Variants in COL4A6 observed in about 807,000 individuals in gnomAD.
COL4A6 encodes collagen alpha-6(IV) chain.
A neutral mutation model predicts 126.7 loss-of-function variants in COL4A6; 59 were observed. The ratio of observed to expected loss-of-function variants is 0.47; its 90% CI spans 0.38 to 0.58. The LOEUF (loss-of-function observed/expected upper bound fraction) is 0.58. Among genes scored for constraint, COL4A6 ranks in the 20% least tolerant of loss-of-function variants. COL4A6 has a pLI of 0.00. For synonymous variants in COL4A6, 547 were observed against 496.6 expected (o/e 1.10, Z -1.35); for missense variants, 1,285 against 1,337.3 (o/e 0.96, Z 0.61).
At chrX:108,329,590 T>C (rs1401178223) in intron 2 of COL4A6, among the ~76,000 whole-genome samples, 2 of 111,599 alleles carry the variant, frequency 1.8e-5, no homozygotes, top group Non-Finnish European at 3.8e-5. Flanking sequence ...AGATACTTAA[T>C]GAAATACAGA....
intron 3 of COL4A6, among the ~76,000 whole-genome samples, chrX:108,309,858 C>T (rs1038897150): frequency 9.7e-6 from 1 of 103,485 alleles, no homozygotes; most frequent in African/African-American, 3.5e-5. Context: ...ACAGATGGAT[C>T]ATCCCTAGTC....
At chrX:108,219,851 A>AC (rs1342349924) in intron 4 of COL4A6, 109 bp from the exon 5 acceptor site, 2 of 558,571 alleles carry the variant, frequency 3.6e-6, no homozygotes, top group African/African-American at 2.4e-5. Context: ...AGTGTTTCGT[A>AC]CCCCCCTCCC....
chrX:108,180,399 C>T (rs771635565), intron 25 of COL4A6, 116 bp downstream of exon 25: 38 of 609,075 alleles, frequency 6.2e-5, no homozygotes, highest in Middle Eastern at 6.4e-4. Context: ...CACCAGAGAG[C>T]AAACTTGGCT....
chrX:108,189,766 CTGTT>C (rs1254425801), intron 20 of COL4A6, among the ~76,000 whole-genome samples: 13 of 112,270 alleles, frequency 1.2e-4, no homozygotes, highest in Admixed American at 4.7e-4. Context: ...TAGAACATCT[CTGTT>C]TGAGGCTGAG....
chrX:108,259,831 G>A (rs368856039), intron 3 of COL4A6, among the ~76,000 whole-genome samples: 4 of 111,300 alleles, frequency 3.6e-5, no homozygotes, highest in African/African-American at 1.3e-4. Context: ...CTGAGGCTAC[G>A]TCCAAACTCA....
intron 29 of COL4A6, 122 bp downstream of exon 29, chrX:108,175,532 G>T (rs924816978): frequency 1.2e-6 from 1 of 839,219 alleles, no homozygotes; most frequent in Non-Finnish European, 1.7e-6. Context: ...TAATTCAGAA[G>T]CCCAAATTTT....
intron 2 of COL4A6, among the ~76,000 whole-genome samples, chrX:108,412,397 A>G (rs1288074983): frequency 8.9e-6 from 1 of 111,888 alleles, no homozygotes; most frequent in Admixed American, 9.5e-5. Flanking sequence ...ATTTGAACAT[A>G]TAGTCTCTCA....
chrX:108,273,605 G>A (rs1185324221), intron 3 of COL4A6, among the ~76,000 whole-genome samples: 2 of 112,308 alleles, frequency 1.8e-5, no homozygotes, highest in African/African-American at 6.5e-5. Context: ...TGATAGACTG[G>A]ATTAAGAAAA....
chrX:108,409,228 G>C (rs778326951), intron 2 of COL4A6, among the ~76,000 whole-genome samples: 91 of 111,888 alleles, frequency 8.1e-4, no homozygotes, highest in African/African-American at 2.6e-3. Context: ...AATTACCTTG[G>C]ATAGAAGTAA....
At chrX:108,388,666 G>C (rs1174686516) in intron 2 of COL4A6, among the ~76,000 whole-genome samples, 1 of 111,154 alleles carries the variant, frequency 9.0e-6, no homozygotes, top group African/African-American at 3.3e-5. Context: ...CAAAAAACTG[G>C]CTCCTGGATT....
At chrX:108,415,389 C>T (rs1019233325) in intron 2 of COL4A6, among the ~76,000 whole-genome samples, 2 of 111,980 alleles carry the variant, frequency 1.8e-5, no homozygotes, top group African/African-American at 6.5e-5. Flanking sequence ...GAGGAATGTA[C>T]TAGGTCACAG....
chrX:108,351,097 C>T (rs1379364012), intron 2 of COL4A6, among the ~76,000 whole-genome samples: 1 of 111,675 alleles, frequency 9.0e-6, no homozygotes, highest in Non-Finnish European at 1.9e-5. Flanking sequence ...CCAATCATCT[C>T]TCAGGTGCAC....
At position 108,236,006 on chromosome X, in the gene COL4A6, G is replaced by GC. The variant is rs748305375; in HGVS notation, c.145-14633dup. On this transcript the variant is annotated intron_variant, in intron 3 of 44. Coordinates refer to ENST00000334504, the MANE Select transcript of COL4A6 (RefSeq NM_033641.4). Reference sequence around the variant, plus strand: ...CTGCTTACCTTCCACCTCCATTATTGCTTTTTTTCATTCTCTAGTTTTATG... The same window carrying GC: ...CTGCTTACCTTCCACCTCCATTATTGCCTTTTTTTCATTCTCTAGTTTTATG... Among the ~76,000 whole-genome samples, 24 of 111,222 alleles carry GC rather than the reference G, an allele frequency of 2.2e-4. 1 individual carries two copies. The South Asian group carries it at 8.5e-3, about 40-fold the overall frequency.
chrX:108,241,619 T>C (rs1229067704), intron 3 of COL4A6, among the ~76,000 whole-genome samples: 1 of 105,507 alleles, frequency 9.5e-6, no homozygotes, highest in Non-Finnish European at 1.9e-5. Flanking sequence ...CAGAGTAGCA[T>C]AGCTTGGTGA....
chrX:108,186,013 G>GT (rs2034847883), intron 23 of COL4A6, among the ~76,000 whole-genome samples: 1 of 111,831 alleles, frequency 8.9e-6, no homozygotes, highest in East Asian at 2.8e-4. Context: ...TGGTGTCTTA[G>GT]TTTTTTTGTT....
chrX:108,296,159 T>G (rs1445995317), intron 3 of COL4A6, among the ~76,000 whole-genome samples: 1 of 112,110 alleles, frequency 8.9e-6, no homozygotes, highest in East Asian at 2.8e-4. Context: ...CAGGAAAGTG[T>G]ATAAAGTTAC....
In COL4A6 at chrX:108,156,859, G is replaced by A; in HGVS notation, c.*141C>T. 1 of 623,980 alleles carries A rather than the reference G, an allele frequency of 1.6e-6. No homozygotes were observed. The highest frequency in any genetic ancestry group is 2.7e-5 in the South Asian group (1 of 36,861). 51.4% of individuals were successfully genotyped at this position (623,980 alleles called of 1,213,427 possible). A position where few individuals can be genotyped will look rare whatever the true frequency, so the allele number is the denominator to read the frequency against. On this transcript the variant is annotated 3_prime_UTR_variant, in exon 45 of 45. Transcript: ENST00000334504. ...CGAGGGCTGGGGTGACGAGTGTCCG[G>A]TAGTCTAGCCCAAATGAGACTCCAA...
chrX:108,172,365 GAAAAAAAAAAAA>G (rs397935341), intron 32 of COL4A6, 92 bp downstream of exon 32: 10 of 111,306 alleles, frequency 9.0e-5, no homozygotes, highest in African/African-American at 4.0e-4. Context: ...GCCTAAAAAA[GAAAAAAAAAAAA>G]AAAAAAAAAA....
chrX:108,194,284 A>C (rs1004337291), intron 16 of COL4A6, among the ~76,000 whole-genome samples: 1 of 111,976 alleles, frequency 8.9e-6, no homozygotes, highest in African/African-American at 3.2e-5. Context: ...AATATGAATA[A>C]AATTTTCCTC....
Sources: gnomAD v4.1 joint callset for allele counts (sites outside exome capture counted in the v4.1 genomes callset) on GRCh38, gnomAD v4.1.1 for gene constraint, MANE v1.5 for transcripts, NCBI Gene and HGNC (gene_info 2026-07-23, HGNC 2026-07-21) for gene names.